Variants in MSH4 observed in about 807,000 individuals in gnomAD.
The protein encoded by MSH4 is mutS homolog 4, also known as mutS protein homolog 4.
Under a neutral mutation model 113.7 loss-of-function variants are expected in MSH4, and 106 were observed. The ratio of observed to expected loss-of-function variants is 0.93; its 90% CI spans 0.80 to 1.10. The LOEUF is 1.10. Ranked by LOEUF, MSH4 falls within the 50% of genes least tolerant of loss-of-function variation. The probability of loss-of-function intolerance (pLI) is 0.00; values close to 1 mark genes in which losing one functional copy is unlikely to be tolerated. For missense variants in MSH4, 1,061 were observed against 1,093.7 expected, an observed-to-expected ratio of 0.97 and a Z score of 0.42; for synonymous variants, 368 against 380.2, an observed-to-expected ratio of 0.97 and a Z score of 0.37.
At chr1:75,910,573 ATCATCATTACTTTT>A (rs1652768217) in intron 19 of MSH4, among the ~76,000 whole-genome samples, 1 of 151,956 alleles carries the variant, frequency 6.6e-6, no homozygotes, top group African/African-American at 2.4e-5. Flanking sequence ...GCACCCAGCC[ATCATCATTACTTTT>A]TCTTATTCCA....
chr1:75,831,514 A>G (rs565077205), intron 7 of MSH4, among the ~76,000 whole-genome samples: 47 of 152,316 alleles, frequency 3.1e-4, no homozygotes, highest in Non-Finnish European at 6.0e-4. Flanking sequence ...ACTTATTCCA[A>G]AATTGGCCAC....
chr1:75,911,692 A>G (rs1274266617), intron 19 of MSH4, among the ~76,000 whole-genome samples: 1 of 152,118 alleles, frequency 6.6e-6, no homozygotes, highest in African/African-American at 2.4e-5. Flanking sequence ...TAGATATTCA[A>G]TAACTTTCTT....
At chr1:75,856,096 A>G (rs959235203) in intron 8 of MSH4, among the ~76,000 whole-genome samples, 1 of 152,210 alleles carries the variant, frequency 6.6e-6, no homozygotes, top group Non-Finnish European at 1.5e-5. Context: ...TCTGAGAAAT[A>G]TCTGTGAATA....
At chr1:75,896,879 A>C (rs890890391) in intron 17 of MSH4, among the ~76,000 whole-genome samples, 5 of 152,134 alleles carry the variant, frequency 3.3e-5, no homozygotes, top group Admixed American at 3.3e-4. Flanking sequence ...ACTGTGTTCT[A>C]AATATTTCCT....
chr1:75,830,839 C>G (rs1482830348), intron 7 of MSH4, among the ~76,000 whole-genome samples: 1 of 152,186 alleles, frequency 6.6e-6, no homozygotes, highest in East Asian at 1.9e-4. Context: ...AAAAACATGC[C>G]AAATTGCAAA....
chr1:75,836,943 C>T (rs919703682), intron 7 of MSH4, among the ~76,000 whole-genome samples: 4 of 152,212 alleles, frequency 2.6e-5, no homozygotes, highest in Non-Finnish European at 5.9e-5. Flanking sequence ...ATTTACATCT[C>T]ATGCCTAAAT....
At position 75,834,836 on chromosome 1, in the gene MSH4, C is replaced by T. The variant is rs534337889; in HGVS notation, c.1162+12255C>T. 4.6e-5 allele frequency among the ~76,000 whole-genome samples: 7 copies of T among 151,950 alleles called. No homozygotes were observed. The East Asian group carries it at 5.8e-4, about 13-fold the overall frequency. ...GAGATATTTGTAAATGAGGAGTTAACGGGTGCAGCACACCAACATGGCACA... is the reference window on the plus strand; with the variant it reads ...GAGATATTTGTAAATGAGGAGTTAATGGGTGCAGCACACCAACATGGCACA... On this transcript the variant is annotated intron_variant, in intron 7 of 19. Coordinates refer to ENST00000263187, the MANE Select transcript of MSH4 (RefSeq NM_002440.4).
chr1:75,801,264 CT>C (rs1649928471), intron 1 of MSH4, among the ~76,000 whole-genome samples: 3 of 152,166 alleles, frequency 2.0e-5, no homozygotes, highest in South Asian at 2.1e-4. Flanking sequence ...CCATCTGGTC[CT>C]TTATTTAAAA....
At chr1:75,882,655 C>G (rs1398896508) in intron 14 of MSH4, among the ~76,000 whole-genome samples, 2 of 114,762 alleles carry the variant, frequency 1.7e-5, no homozygotes, top group South Asian at 6.5e-4. Context: ...ATAGCTAGAC[C>G]TCATTTCTAA....
intron 8 of MSH4, among the ~76,000 whole-genome samples, chr1:75,862,323 A>G (rs1040024654): frequency 1.3e-5 from 2 of 152,164 alleles, no homozygotes. Flanking sequence ...GAGATGAATC[A>G]GGTACCTCAG....
chr1:75,897,858 C>G (rs370817452), intron 17 of MSH4, 49 bp from the exon 18 acceptor site: 143 of 1,173,210 alleles, frequency 1.2e-4, no homozygotes, highest in Non-Finnish European at 1.4e-4. Context: ...ATAGAATTTT[C>G]TAGTTAATTT....
intron 7 of MSH4, among the ~76,000 whole-genome samples, chr1:75,844,646 TA>T (rs1171532213): frequency 2.0e-5 from 3 of 152,140 alleles, no homozygotes; most frequent in Admixed American, 6.5e-5. Flanking sequence ...AAAAGTTTTT[TA>T]AAAAAATACC....
chr1:75,830,704 A>G (rs1311042350), intron 7 of MSH4, among the ~76,000 whole-genome samples: 1 of 152,178 alleles, frequency 6.6e-6, no homozygotes, highest in Admixed American at 6.5e-5. Flanking sequence ...TTCATAAGTG[A>G]AGGAGAAATA....
rs1266834577 is a variant in MSH4, at chr1:75,912,737, T to C, written c.2661T>C (p.Ala887=). 3.8e-6 allele frequency: 6 copies of C among 1,580,418 alleles called. No individual in the cohort carries two copies. The highest frequency in any genetic ancestry group is 4.3e-6 in the Non-Finnish European group (5 of 1,165,946). ...RSTPEMERQR[A]VYHLATRLVQ... ...CCCCTGAGATGGAAAGACAGAGAGC[T>C]GTGTACCATCTAGCCACTAGGCTTG... is the stretch of plus-strand genomic sequence containing the variant. The change falls in exon 20 of 20, where the codon GCT becomes GCC. Residue 887 remains alanine (A), a synonymous_variant. Coordinates refer to ENST00000263187, the MANE Select transcript of MSH4 (RefSeq NM_002440.4).
intron 8 of MSH4, among the ~76,000 whole-genome samples, chr1:75,864,155 TTTTA>T (rs764396310): frequency 6.6e-6 from 1 of 152,186 alleles, no homozygotes; most frequent in Non-Finnish European, 1.5e-5. Flanking sequence ...CAAGTCAACA[TTTTA>T]TTTGTGAGAT....
intron 7 of MSH4, among the ~76,000 whole-genome samples, chr1:75,826,265 G>A (rs1207350928): frequency 6.6e-6 from 1 of 151,612 alleles, no homozygotes; most frequent in Non-Finnish European, 1.5e-5. Context: ...GGTGTTTATA[G>A]TATTCTCTGA....
In MSH4 at chr1:75,864,530, A is replaced by T. The variant is rs181845248; in HGVS notation, c.1231-2984A>T. 3.7e-3 allele frequency among the ~76,000 whole-genome samples: 565 copies of T among 152,286 alleles called. 2 individuals are homozygous for T. The highest frequency in any genetic ancestry group is 5.1e-3 in the Non-Finnish European group (347 of 68,016). ...CCCCAAACCTGATATTACTGGTTTT[A>T]AAATTTTAGCCGTAGCATTTTAATA... On this transcript the variant is annotated intron_variant, in intron 8 of 19. Transcript: ENST00000263187.
intron 1 of MSH4, among the ~76,000 whole-genome samples, chr1:75,798,695 C>A (rs1649871920): frequency 6.6e-6 from 1 of 151,350 alleles, no homozygotes; most frequent in African/African-American, 2.4e-5. Context: ...TAGCTGGGAC[C>A]AAGGCATGTG....
At chr1:75,882,296 T>C (rs542474188) in intron 14 of MSH4, among the ~76,000 whole-genome samples, 13 of 152,216 alleles carry the variant, frequency 8.5e-5, no homozygotes, top group Non-Finnish European at 1.8e-4. Flanking sequence ...TATCTATAAA[T>C]AATGAATTTT....
Sources: gnomAD v4.1 joint callset for allele counts (sites outside exome capture counted in the v4.1 genomes callset) on GRCh38, gnomAD v4.1.1 for gene constraint, MANE v1.5 for transcripts, NCBI Gene and HGNC (gene_info 2026-07-23, HGNC 2026-07-21) for gene names.